Variants in SFRP1 observed in about 807,000 individuals in gnomAD.
SFRP1 encodes secreted frizzled related protein 1.
In SFRP1, 9 loss-of-function variants were observed where a neutral mutation model predicts 25.9. The observed-to-expected ratio is 0.35, with a 90% CI of 0.21 to 0.61. SFRP1 has a LOEUF of 0.61. Among genes scored for constraint, SFRP1 ranks in the 20% least tolerant of loss-of-function variants. The pLI is 0.78. For synonymous variants in SFRP1, 178 were observed against 174.0 expected (o/e 1.02, Z -0.18); for missense variants, 346 against 418.2 (o/e 0.83, Z 1.51).
Position 41,265,126 on chromosome 8 carries a change from A to ACCCCCCCCCC in SFRP1, c.*40_*41insGGGGGGGGGG. On this transcript the variant is annotated 3_prime_UTR_variant, in exon 3 of 3. Transcript: ENST00000220772. ...CCGGGGCACTGTCCCCCCCGCTCCC[A>ACCCCCCCCCC]CCCCACCCGAGGCTCCCTCCCCACC... is the stretch of plus-strand genomic sequence containing the variant. The ACCCCCCCCCC allele has an allele frequency of 7.3e-6, 1 of 136,966 alleles. No individual in the cohort carries two copies. Among genetic ancestry groups the ACCCCCCCCCC allele is most frequent in the Non-Finnish European group, 1.4e-5 (1 of 71,656 alleles). The allele number at this position is 136,966 out of a possible 1,614,324, so 8.5% of individuals were successfully genotyped here.
At chr8:41,284,686 G>A (rs1205620631) in intron 2 of SFRP1, among the ~76,000 whole-genome samples, 5 of 152,224 alleles carry the variant, frequency 3.3e-5, no homozygotes, top group Non-Finnish European at 7.3e-5. Flanking sequence ...TCGCTCTACA[G>A]AGCCCAGGGA....
chr8:41,265,232 ACTC>A lies in SFRP1; in HGVS notation c.877_879del (p.Glu293del), dbSNP rs774012383. The A allele has an allele frequency of 1.3e-5, 21 of 1,587,568 alleles. No individual in the cohort carries two copies. The highest frequency in any genetic ancestry group is 1.8e-5 in the Non-Finnish European group (21 of 1,164,164). ...TTCATTTTCTTCATGAAGTTTTTGAACTCCTTGTTTTTCTTGTCCCACTTGTGG... is the reference window on the plus strand; with the variant it reads ...TTCATTTTCTTCATGAAGTTTTTGAACTTGTTTTTCTTGTCCCACTTGTGG... On this transcript the variant is annotated inframe_deletion, in exon 3 of 3. Transcript: ENST00000220772.
intron 2 of SFRP1, among the ~76,000 whole-genome samples, chr8:41,281,189 G>C (rs1486448821): frequency 6.6e-6 from 1 of 152,280 alleles, no homozygotes; most frequent in East Asian, 1.9e-4. Flanking sequence ...GGAGGGAGTG[G>C]GAGTCCTCTC....
chr8:41,296,006 G>A (rs1803839559), intron 2 of SFRP1, among the ~76,000 whole-genome samples: 2 of 152,348 alleles, frequency 1.3e-5, no homozygotes, highest in South Asian at 4.1e-4. Context: ...GAAGTCCCCA[G>A]GTGCCAGCAG....
At chr8:41,291,758 G>T (rs1803782446) in intron 2 of SFRP1, among the ~76,000 whole-genome samples, 1 of 152,152 alleles carries the variant, frequency 6.6e-6, no homozygotes, top group Admixed American at 6.5e-5. Context: ...CCTTGACTGG[G>T]TCTCTGACAC....
intron 2 of SFRP1, 105 bp from the exon 3 acceptor site, chr8:41,265,594 A>T (rs1320478047): frequency 1.3e-6 from 1 of 778,748 alleles, no homozygotes. Context: ...TTATTATTTT[A>T]TTTTTTGGCT....
rs541209957 is a variant in SFRP1, at chr8:41,277,076, G to C, written c.623-11587C>G. On this transcript the variant is annotated intron_variant, in intron 2 of 2. Transcript: ENST00000220772. The stretch of plus-strand genomic sequence containing the variant: ...GTGCAAAATGAAAACCCCACTCTGA[G>C]AGCAAAGTGCTGCCTGGTGTGATTT... 20 of 455,710 alleles carry C rather than the reference G, an allele frequency of 4.4e-5. No homozygotes were observed. In the East Asian group the frequency reaches 5.6e-4, roughly 13 times the overall value. The allele number at this position is 455,710 out of a possible 1,614,324, so 28.2% of individuals were successfully genotyped here.
At chr8:41,293,849 T>C (rs1803807944) in intron 2 of SFRP1, among the ~76,000 whole-genome samples, 1 of 151,956 alleles carries the variant, frequency 6.6e-6, no homozygotes, top group Admixed American at 6.5e-5. Flanking sequence ...CACAGCTCAC[T>C]GCAGCCTCGA....
chr8:41,304,379 G>A lies in SFRP1; in HGVS notation c.545-841C>T, dbSNP rs545704998. 6.6e-5 allele frequency among the ~76,000 whole-genome samples: 10 copies of A among 152,280 alleles called. No individual in the cohort carries two copies. In the South Asian group the frequency reaches 1.2e-3, roughly 19 times the overall value. On this transcript the variant is annotated intron_variant, in intron 1 of 2. Coordinates refer to ENST00000220772, the MANE Select transcript of SFRP1 (RefSeq NM_003012.5). ...TCCCAGGACAGAGGGAGAGCAGGAC[G>A]GCGCTTTCCTCCAAGAGCTGAAGTG...
At chr8:41,269,023 C>T (rs73676326) in intron 2 of SFRP1, among the ~76,000 whole-genome samples, 7,287 of 152,294 alleles carry the variant, frequency 0.048, 543 homozygotes, top group African/African-American at 0.16. Flanking sequence ...TGCAGGGCAC[C>T]ATCCGACTGC....
intron 2 of SFRP1, among the ~76,000 whole-genome samples, chr8:41,288,633 T>C (rs1803738891): frequency 6.9e-6 from 1 of 144,902 alleles, no homozygotes; most frequent in Non-Finnish European, 1.5e-5. Flanking sequence ...ACCAGCTCTG[T>C]GGGGGATGCA....
At chr8:41,300,186 C>T (rs191997497) in intron 2 of SFRP1, among the ~76,000 whole-genome samples, 5 of 152,128 alleles carry the variant, frequency 3.3e-5, no homozygotes, top group South Asian at 2.1e-4. Context: ...TACGGAGGTG[C>T]GGGAAACTGA....
intron 2 of SFRP1, among the ~76,000 whole-genome samples, chr8:41,294,603 T>A (rs1585517689): frequency 6.6e-6 from 1 of 152,058 alleles, no homozygotes; most frequent in Non-Finnish European, 1.5e-5. Context: ...GTCCCTTAAT[T>A]CCTGCCCTAC....
At chr8:41,301,090 G>A (rs747680033) in intron 2 of SFRP1, among the ~76,000 whole-genome samples, 1 of 152,170 alleles carries the variant, frequency 6.6e-6, no homozygotes, top group Non-Finnish European at 1.5e-5. Flanking sequence ...GAGGCTCCCG[G>A]AGACCACAGA....
At chr8:41,289,479 C>T (rs566358033) in intron 2 of SFRP1, among the ~76,000 whole-genome samples, 12 of 152,184 alleles carry the variant, frequency 7.9e-5, no homozygotes, top group Non-Finnish European at 1.8e-4. Flanking sequence ...ACTGAGCCAC[C>T]GAGTGCTTCA....
chr8:41,289,344 A>C (rs931974573), intron 2 of SFRP1, among the ~76,000 whole-genome samples: 1 of 152,222 alleles, frequency 6.6e-6, no homozygotes, highest in Admixed American at 6.5e-5. Flanking sequence ...CCAAAGTCAC[A>C]AACAGTTCAG....
intron 2 of SFRP1, among the ~76,000 whole-genome samples, chr8:41,303,017 T>C (rs1803945665): frequency 7.0e-6 from 1 of 141,908 alleles, no homozygotes; most frequent in Non-Finnish European, 1.5e-5. Flanking sequence ...ATTTAAATCC[T>C]GGACAGAGTC....
chr8:41,307,759 T>C (rs892662415), intron 1 of SFRP1, among the ~76,000 whole-genome samples: 8 of 152,244 alleles, frequency 5.3e-5, no homozygotes, highest in African/African-American at 1.9e-4. Flanking sequence ...GAATTGCTCT[T>C]TAAACATAAG....
chr8:41,273,623 T>TA (rs917625669), intron 2 of SFRP1, among the ~76,000 whole-genome samples: 23 of 152,250 alleles, frequency 1.5e-4, no homozygotes, highest in African/African-American at 4.8e-4. Context: ...CTTACCTATT[T>TA]AAAAAAATGC....
Sources: allele counts gnomAD v4.1 joint callset (sites outside exome capture counted in the v4.1 genomes callset), GRCh38; gene constraint gnomAD v4.1.1; transcripts MANE v1.5; gene names NCBI Gene and HGNC (gene_info 2026-07-23, HGNC 2026-07-21).